KIF26B: variants seen among roughly 807,000 people sequenced by gnomAD.
KIF26B encodes kinesin family member 26B, also known as kinesin-like protein KIF26B.
KIF26B carries 63 observed loss-of-function variants against 151.2 expected under a neutral mutation model. The observed-to-expected ratio is 0.42, with a 90% CI of 0.34 to 0.51. The LOEUF (loss-of-function observed/expected upper bound fraction) is 0.51, where lower values mean the gene tolerates loss of function less well. Among genes scored for constraint, KIF26B ranks in the 20% least tolerant of loss-of-function variants. The probability of loss-of-function intolerance (pLI) is 0.07; values close to 1 mark genes in which losing one functional copy is unlikely to be tolerated. For synonymous variants in KIF26B, 1,357 were observed against 1,262.1 expected (o/e 1.08, Z -1.59); for missense variants, 2,813 against 2,913.6 (o/e 0.97, Z 0.79).
At chr1:245,383,170 A>G (rs1290509779) in intron 3 of KIF26B, among the ~76,000 whole-genome samples, 1 of 152,032 alleles carries the variant, frequency 6.6e-6, no homozygotes, top group Non-Finnish European at 1.5e-5. Flanking sequence ...AACACATTTA[A>G]AGGTGAGGCA....
intron 12 of KIF26B, among the ~76,000 whole-genome samples, chr1:245,690,706 C>T (rs1051857122): frequency 1.3e-5 from 2 of 151,698 alleles, no homozygotes; most frequent in African/African-American, 2.4e-5. Context: ...AGGGAATCAT[C>T]GTGGCTGTCA....
chr1:245,698,787 A>G lies in KIF26B; in HGVS notation c.6028-100A>G. On this transcript the variant is annotated intron_variant, in intron 13 of 14. Coordinates refer to ENST00000407071, the MANE Select transcript of KIF26B (RefSeq NM_018012.4). This position sits in a 1 kb window ranked among gnomAD's most constrained non-coding sequence, Gnocchi z 4.0. ...ACCCATGTCCCTCCCACACGTCTCC[A>G]AGCCCAGCCTGTTTTCCATCAACGA... 3 of 1,455,468 alleles carry G rather than the reference A, an allele frequency of 2.1e-6. No homozygotes were observed. The highest frequency in any genetic ancestry group is 2.8e-6 in the Non-Finnish European group (3 of 1,077,066). 90.2% of individuals were successfully genotyped at this position (1,455,468 alleles called of 1,614,324 possible).
intron 4 of KIF26B, among the ~76,000 whole-genome samples, chr1:245,521,703 G>A: frequency 6.6e-6 from 1 of 152,298 alleles, no homozygotes; most frequent in Admixed American, 6.5e-5. Flanking sequence ...GTCTGTATTT[G>A]TGTAGTGCTC....
Position 245,564,312 on chromosome 1 carries a change from G to A in KIF26B, c.1350+23362G>A, listed in dbSNP as rs2042985960. Among the ~76,000 whole-genome samples the A allele has an allele frequency of 6.6e-6, 1 of 152,124 alleles. No individual in the cohort carries two copies. Among genetic ancestry groups the A allele is most frequent in the Non-Finnish European group, 1.5e-5 (1 of 68,032 alleles). ...ACCTGGGCAGAATGCTCTTCAGTTT[G>A]TTCCTATCTCTGCCGGGATCTATAT... is the stretch of plus-strand genomic sequence containing the variant. On this transcript the variant is annotated intron_variant, in intron 5 of 14. Transcript: ENST00000407071. The surrounding 1 kb of genome is among the most constrained non-coding windows in gnomAD (Gnocchi z 4.6).
chr1:245,680,094 T>C (rs1439637005), intron 10 of KIF26B, among the ~76,000 whole-genome samples: 2 of 152,272 alleles, frequency 1.3e-5, no homozygotes, highest in East Asian at 3.9e-4. Context: ...TGCTGACTGT[T>C]GCCCTGGAAA....
At chr1:245,291,604 C>T (rs34042471) in intron 2 of KIF26B, among the ~76,000 whole-genome samples, 8,043 of 152,162 alleles carry the variant, frequency 0.053, 256 homozygotes, top group Middle Eastern at 0.082. Context: ...ACCCCACACC[C>T]GACGGGACCA....
rs1018852022 is a variant in KIF26B at position 245,239,660 on chromosome 1, C to T, written c.465+82977C>T. 2.0e-5 allele frequency among the ~76,000 whole-genome samples: 3 copies of T among 152,004 alleles called. No homozygotes were observed. Among genetic ancestry groups the T allele is most frequent in the Admixed American group, 6.6e-5 (1 of 15,260 alleles). ...CTGGGATTACAGGTGCCCGCCACCA[C>T]GCCTGGCTAATTTTTTGTATTTTTA... On this transcript the variant is annotated intron_variant, in intron 2 of 14. Coordinates refer to ENST00000407071, the MANE Select transcript of KIF26B (RefSeq NM_018012.4). The surrounding 1 kb of genome is among the most constrained non-coding windows in gnomAD (Gnocchi z 4.3).
Position 245,591,810 on chromosome 1 carries a change from GC to G in KIF26B, c.1351-10762del, listed in dbSNP as rs200556657. 4.1e-3 allele frequency among the ~76,000 whole-genome samples: 617 copies of G among 152,262 alleles called. 11 individuals are homozygous for G. The highest frequency in any genetic ancestry group is 0.029 in the Admixed American group (439 of 15,296). On this transcript the variant is annotated intron_variant, in intron 5 of 14. Transcript: ENST00000407071. ...AGTCCCAATCCTTTCTGACAGACCA[GC>G]CCCCGACATGTGTCTGTCTCCATCC...
chr1:245,444,149 C>CGGTCATCTCCCTCACTGTTCACCTAGAGT (rs1558168189), intron 4 of KIF26B, among the ~76,000 whole-genome samples: 2 of 108,012 alleles, frequency 1.9e-5, no homozygotes, highest in Non-Finnish European at 4.1e-5. Flanking sequence ...TCACCTAGAG[C>CGGTCATCTCCCTCACTGTTCACCTAGAGT]GGTCATCTCC....
chr1:245,688,229 C>T lies in KIF26B; in HGVS notation c.5246C>T (p.Ser1749Phe). 8 of 1,587,968 alleles carry T rather than the reference C, an allele frequency of 5.0e-6. No homozygotes were observed. Among genetic ancestry groups the T allele is most frequent in the Non-Finnish European group, 6.8e-6 (8 of 1,171,828 alleles). Residue 1749 changes from serine to phenylalanine, a missense_variant, in exon 12 of 15, where the codon TCC becomes TTC. Around this residue, in one of 3 missense-constraint regions of KIF26B, gnomAD observed 2,060 missense variants for 2,088.6 expected, o/e 0.99. Transcript: ENST00000407071. ...LLASPRARGP[S>F]ASTTKTLSFS... ...GCCAGCCCCAGAGCGCGCGGCCCGT[C>T]CGCCTCCACCACCAAAACCCTCAGC...
In KIF26B at chr1:245,553,787, T is replaced by C. The variant is rs181136546; in HGVS notation, c.1350+12837T>C. On this transcript the variant is annotated intron_variant, in intron 5 of 14. Transcript: ENST00000407071. ...ATGGGCTGGTTAGTCCCATCCCAGA[T>C]TATATGGAGGCACCCGGGTGATTCC... Among the ~76,000 whole-genome samples, 480 of 152,220 alleles carry C rather than the reference T, an allele frequency of 3.2e-3. 10 individuals are homozygous for C. Among genetic ancestry groups the C allele is most frequent in the Admixed American group, 0.028 (433 of 15,282 alleles).
At chr1:245,431,645 A>G (rs1658784495) in intron 4 of KIF26B, among the ~76,000 whole-genome samples, 1 of 147,236 alleles carries the variant, frequency 6.8e-6, no homozygotes, top group Non-Finnish European at 1.5e-5. Context: ...CGCCCAGCCA[A>G]TTTTTATATT....
At position 245,156,554 on chromosome 1, in the gene KIF26B, C is replaced by T; in HGVS notation, c.336C>T (p.Gly112=). Residue 112 remains glycine, a synonymous_variant, in exon 2 of 15, where the codon GGC becomes GGT. Coordinates refer to ENST00000407071, the MANE Select transcript of KIF26B (RefSeq NM_018012.4). The stretch of plus-strand genomic sequence containing the variant: ...CGGGCTTCGGCACAGGCTCCCCGGG[C>T]TCCGGCAGCGGCGGCGGCTCCTCCC... ...GSPGFGTGSP[G]SGSGGGSSPG... 1 of 1,534,836 alleles carries T rather than the reference C, an allele frequency of 6.5e-7. No individual in the cohort carries two copies. The highest frequency in any genetic ancestry group is 8.7e-7 in the Non-Finnish European group (1 of 1,146,854).
chr1:245,216,642 A>T (rs997328057), intron 2 of KIF26B, among the ~76,000 whole-genome samples: 7 of 152,196 alleles, frequency 4.6e-5, no homozygotes, highest in African/African-American at 1.7e-4. Context: ...GTTCCCTGGA[A>T]TCATCTCTGG....
intron 9 of KIF26B, among the ~76,000 whole-genome samples, chr1:245,642,763 G>T (rs1291059661): frequency 1.3e-5 from 2 of 152,030 alleles, no homozygotes; most frequent in Non-Finnish European, 2.9e-5. Context: ...GCTCAGAGGG[G>T]TGTGTGTCAC....
In KIF26B at chr1:245,512,162, A is replaced by G. The variant is rs1438230637; in HGVS notation, c.1167-28605A>G. Among the ~76,000 whole-genome samples, 1 of 152,178 alleles carries G rather than the reference A, an allele frequency of 6.6e-6. No homozygotes were observed. Among genetic ancestry groups the G allele is most frequent in the Non-Finnish European group, 1.5e-5 (1 of 68,026 alleles). On this transcript the variant is annotated intron_variant, in intron 4 of 14. Coordinates refer to ENST00000407071, the MANE Select transcript of KIF26B (RefSeq NM_018012.4). This position sits in a 1 kb window ranked among gnomAD's most constrained non-coding sequence, Gnocchi z 4.3. The stretch of plus-strand genomic sequence containing the variant: ...TTCTGGCTTCTTAAAACTTGCATAG[A>G]TTTGGAAGTGGGATTTCTAACAATA...
chr1:245,661,995 G>A (rs1443956214), intron 10 of KIF26B, among the ~76,000 whole-genome samples: 7 of 103,092 alleles, frequency 6.8e-5, no homozygotes, highest in Admixed American at 4.8e-4. Flanking sequence ...TAAATAATAT[G>A]CACACCCAAT....
chr1:245,641,392 G>A (rs1233628895), intron 9 of KIF26B, among the ~76,000 whole-genome samples: 1 of 152,132 alleles, frequency 6.6e-6, no homozygotes, highest in East Asian at 1.9e-4. Context: ...GGTTTGGAAA[G>A]TTCTGTGTTA....
chr1:245,532,525 G>T (rs1407370028), intron 4 of KIF26B, among the ~76,000 whole-genome samples: 2 of 152,058 alleles, frequency 1.3e-5, no homozygotes, highest in Non-Finnish European at 2.9e-5. Context: ...GATTACAGGC[G>T]TGAGGGGAAA....
Sources: gnomAD v4.1 joint callset for allele counts (sites outside exome capture counted in the v4.1 genomes callset) on GRCh38, gnomAD v4.1.1 for gene constraint, gnomAD v4.1.1 regional missense constraint, Gnocchi (gnomAD v3.1) non-coding constraint, MANE v1.5 for transcripts, NCBI Gene and HGNC (gene_info 2026-07-23, HGNC 2026-07-21) for gene names.